The following SNX24 variants were observed in gnomAD, a reference collection of about 807,000 sequenced individuals.
SNX24 encodes sorting nexin-24.
A neutral mutation model predicts 28.7 loss-of-function variants in SNX24; 22 were observed. The ratio of observed to expected loss-of-function variants is 0.77; its 90% CI spans 0.55 to 1.10. The LOEUF (loss-of-function observed/expected upper bound fraction) is 1.10, where lower values mean the gene tolerates loss of function less well. Ranked by LOEUF, SNX24 falls within the 50% of genes least tolerant of loss-of-function variation. The pLI is 0.00. For missense variants in SNX24, 221 were observed against 201.1 expected (o/e 1.10, Z -0.60); for synonymous variants, 69 against 71.5 (o/e 0.96, Z 0.18).
chr5:122,998,279 G>T (rs1243245620), intron 3 of SNX24: 1 of 152,144 alleles, frequency 6.6e-6, no homozygotes, highest in African/African-American at 2.4e-5. Context: ...TGCATTGGTA[G>T]ATGGGAAAAC....
intron 1 of SNX24, among the ~76,000 whole-genome samples, chr5:122,918,610 GTACACA>G (rs1210395260): frequency 6.6e-6 from 1 of 152,132 alleles, no homozygotes; most frequent in Non-Finnish European, 1.5e-5. Context: ...CCTGTGTCTA[GTACACA>G]GCCTAGCATA....
chr5:122,956,379 C>CTGT (rs1760216432), intron 3 of SNX24, among the ~76,000 whole-genome samples: 1 of 20,394 alleles, frequency 4.9e-5, no homozygotes, highest in Admixed American at 7.8e-4. Context: ...CACACACACA[C>CTGT]ACACACACAC....
chr5:122,979,374 C>A (rs955893871), intron 3 of SNX24, among the ~76,000 whole-genome samples: 4 of 152,152 alleles, frequency 2.6e-5, no homozygotes, highest in Admixed American at 1.3e-4. Flanking sequence ...TGATTTGCTT[C>A]CATAGTTAAG....
chr5:122,854,791 A>G (rs983410248), intron 1 of SNX24, among the ~76,000 whole-genome samples: 1 of 152,202 alleles, frequency 6.6e-6, no homozygotes, highest in Non-Finnish European at 1.5e-5. Flanking sequence ...GTTCCAGACC[A>G]CTGCAGTAAA....
intron 3 of SNX24, among the ~76,000 whole-genome samples, chr5:122,948,142 T>C (rs1759771774): frequency 6.6e-6 from 1 of 152,208 alleles, no homozygotes; most frequent in South Asian, 2.1e-4. Context: ...CTTGATTCTA[T>C]TTGCAGGCAA....
intron 3 of SNX24, among the ~76,000 whole-genome samples, chr5:122,989,847 A>G (rs1030838139): frequency 1.3e-5 from 2 of 152,204 alleles, no homozygotes; most frequent in African/African-American, 4.8e-5. Flanking sequence ...GGGCTAGGGT[A>G]CATATGTTTT....
chr5:122,886,239 T>C (rs1406508562), intron 1 of SNX24, among the ~76,000 whole-genome samples: 1 of 152,356 alleles, frequency 6.6e-6, no homozygotes, highest in East Asian at 1.9e-4. Context: ...TCATTTTTAG[T>C]AATTGCTTTG....
chr5:122,948,114 A>G (rs978874042), intron 3 of SNX24, among the ~76,000 whole-genome samples: 1 of 152,160 alleles, frequency 6.6e-6, no homozygotes, highest in Admixed American at 6.5e-5. Context: ...AGTTTAAGGG[A>G]GTTAGTTTTC....
At chr5:122,845,846 G>A (rs1226153976) in intron 1 of SNX24, among the ~76,000 whole-genome samples, 153 bp downstream of exon 1, 2 of 151,784 alleles carry the variant, frequency 1.3e-5, no homozygotes, top group Non-Finnish European at 2.9e-5. Flanking sequence ...CGCCCTTGGC[G>A]CGGTTGTCAA....
chr5:123,008,018 C>T lies in SNX24; in HGVS notation c.*269C>T. 8.8e-7 allele frequency: 1 copy of T among 1,129,986 alleles called. No homozygotes were observed. The highest frequency in any genetic ancestry group is 1.1e-6 in the Non-Finnish European group (1 of 921,130). The allele number at this position is 1,129,986 out of a possible 1,614,324, so 70.0% of individuals were successfully genotyped here. Reference sequence around the variant, plus strand: ...GCGTAGAAACCCATGAAAAGGAGGCCACAGGAGATTCCTGGGAGCACTGGG... The same window carrying T: ...GCGTAGAAACCCATGAAAAGGAGGCTACAGGAGATTCCTGGGAGCACTGGG... On this transcript the variant is annotated 3_prime_UTR_variant, in exon 7 of 7. Transcript: ENST00000261369.
At chr5:122,942,604 G>A (rs962314624) in intron 2 of SNX24, among the ~76,000 whole-genome samples, 2 of 152,188 alleles carry the variant, frequency 1.3e-5, no homozygotes, top group Non-Finnish European at 2.9e-5. Context: ...AATTCTTCTA[G>A]CAGTATAAAA....
At chr5:122,896,845 A>G (rs1367877934) in intron 1 of SNX24, among the ~76,000 whole-genome samples, 1 of 152,258 alleles carries the variant, frequency 6.6e-6, no homozygotes, top group East Asian at 1.9e-4. Flanking sequence ...TTATCACATT[A>G]TGTGACTCCC....
At chr5:122,880,052 TG>T (rs1756407396) in intron 1 of SNX24, among the ~76,000 whole-genome samples, 1 of 152,232 alleles carries the variant, frequency 6.6e-6, no homozygotes, top group African/African-American at 2.4e-5. Context: ...TGTTGAAGTC[TG>T]AGTTTAAGCA....
At position 122,986,351 on chromosome 5, in the gene SNX24, G is replaced by T. The variant is rs1761603134; in HGVS notation, c.250-13561G>T. Among the ~76,000 whole-genome samples, 3 of 152,156 alleles carry T rather than the reference G, an allele frequency of 2.0e-5. No individual in the cohort carries two copies. In the South Asian group the frequency reaches 6.2e-4, roughly 32 times the overall value. On this transcript the variant is annotated intron_variant, in intron 3 of 6. Coordinates refer to ENST00000261369, the MANE Select transcript of SNX24 (RefSeq NM_014035.4). ...CAGCCTTAAGGTTTTAAAATCCATG[G>T]CAGTTAGTGGACTTAGGGAGAGGAT...
At chr5:122,852,450 T>A (rs1483866623) in intron 1 of SNX24, among the ~76,000 whole-genome samples, 1 of 152,008 alleles carries the variant, frequency 6.6e-6, no homozygotes, top group Non-Finnish European at 1.5e-5. Flanking sequence ...CTCAGGTGAT[T>A]CCGCCACCTC....
chr5:122,910,516 G>A (rs1278220885), intron 1 of SNX24, among the ~76,000 whole-genome samples: 2 of 151,658 alleles, frequency 1.3e-5, no homozygotes, highest in African/African-American at 4.8e-5. Context: ...TGTGCACAAT[G>A]TGCAGGTTAG....
intron 1 of SNX24, among the ~76,000 whole-genome samples, chr5:122,878,149 C>T (rs948378069): frequency 6.6e-6 from 1 of 151,930 alleles, no homozygotes; most frequent in Non-Finnish European, 1.5e-5. Flanking sequence ...CTTTTTGGGA[C>T]CCGGGGTGGG....
At chr5:123,023,034 C>T (rs1414732834) in intron 5 of SNX24, among the ~76,000 whole-genome samples, 5 of 152,222 alleles carry the variant, frequency 3.3e-5, no homozygotes, top group African/African-American at 4.8e-5. Context: ...CTCCTGGGCT[C>T]AAGCAATTCT....
chr5:122,877,022 A>G (rs967567371), intron 1 of SNX24, among the ~76,000 whole-genome samples: 1 of 152,174 alleles, frequency 6.6e-6, no homozygotes, highest in Non-Finnish European at 1.5e-5. Context: ...GTCCCTGAGG[A>G]GGACTACCTT....
Sources: allele counts gnomAD v4.1 joint callset (sites outside exome capture counted in the v4.1 genomes callset), GRCh38; gene constraint gnomAD v4.1.1; transcripts MANE v1.5; gene names NCBI Gene and HGNC (gene_info 2026-07-23, HGNC 2026-07-21).